The following ME3 variants were observed in gnomAD, a reference collection of about 807,000 sequenced individuals.
The protein encoded by ME3 is NADP-dependent malic enzyme, mitochondrial.
Under a neutral mutation model 68.9 loss-of-function variants are expected in ME3, and 48 were observed. The ratio of observed to expected loss-of-function variants is 0.70; its 90% confidence interval spans 0.55 to 0.89. The LOEUF is 0.89. Among genes scored for constraint, ME3 ranks in the 40% least tolerant of loss-of-function variants. The probability of loss-of-function intolerance (pLI) is 0.00; values close to 1 mark genes in which losing one functional copy is unlikely to be tolerated. For synonymous variants in ME3, 320 were observed against 318.8 expected (o/e 1.00, Z -0.04); for missense variants, 675 against 797.4 (o/e 0.85, Z 1.85).
At chr11:86,580,287 C>G (rs1319327151) in intron 2 of ME3, among the ~76,000 whole-genome samples, 1 of 152,122 alleles carries the variant, frequency 6.6e-6, no homozygotes, top group Non-Finnish European at 1.5e-5. Flanking sequence ...CCTCCAAATG[C>G]CTCAAAATAA....
intron 4 of ME3, among the ~76,000 whole-genome samples, chr11:86,510,615 T>C (rs1244071330): frequency 6.6e-6 from 1 of 152,168 alleles, no homozygotes; most frequent in East Asian, 1.9e-4. Context: ...AGGGGTGTGG[T>C]TGTCCTGCAC....
At chr11:86,450,540 T>C (rs530636450) in intron 8 of ME3, 142 bp from the exon 9 acceptor site, 2 of 613,322 alleles carry the variant, frequency 3.3e-6, no homozygotes, top group African/African-American at 1.8e-5. Context: ...GGCATGCAAG[T>C]TTTGGTGCAA....
intron 2 of ME3, among the ~76,000 whole-genome samples, chr11:86,618,627 G>A (rs1943141097): frequency 6.6e-6 from 1 of 152,084 alleles, no homozygotes; most frequent in Non-Finnish European, 1.5e-5. Flanking sequence ...TTGGAGGTGG[G>A]GCCTGGTGCC....
chr11:86,473,779 G>A (rs1018065916), intron 7 of ME3, among the ~76,000 whole-genome samples: 3 of 152,180 alleles, frequency 2.0e-5, no homozygotes, highest in African/African-American at 7.2e-5. Context: ...TATACCATGG[G>A]TGAAAAAACT....
the ME3 span, chr11:86,435,244 A>T: frequency 6.6e-6 from 1 of 152,236 alleles, no homozygotes; most frequent in Non-Finnish European, 1.5e-5. Flanking sequence ...GTAATTTTGA[A>T]AATCTCTCTA....
At chr11:86,617,045 GTTTTTTTTTTTTTTTTTTT>G (rs563738961) in intron 2 of ME3, among the ~76,000 whole-genome samples, 9 of 56,322 alleles carry the variant, frequency 1.6e-4, no homozygotes, top group South Asian at 1.8e-3. Context: ...CAAGATAGTA[GTTTTTTTTTTTTTTTTTTT>G]TTTTTTTTTT....
chr11:86,477,119 C>T lies in ME3; in HGVS notation c.809+10218G>A, dbSNP rs539189647. ...GCCTCATTTATCCATCATAAGTACT[C>T]TCCCAGTCTTAAAAATGCATTTTAG... On this transcript the variant is annotated intron_variant, in intron 7 of 14. Coordinates refer to ENST00000543262, the Ensembl canonical transcript of ME3. Among the ~76,000 whole-genome samples the T allele has an allele frequency of 2.0e-5, 3 of 152,278 alleles. No individual in the cohort carries two copies. The East Asian group carries it at 5.8e-4, about 29-fold the overall frequency.
chr11:86,448,904 C>G (rs916350614), intron 10 of ME3, among the ~76,000 whole-genome samples: 2 of 152,082 alleles, frequency 1.3e-5, no homozygotes, highest in Admixed American at 1.3e-4. Context: ...TTGAGAGCTC[C>G]TTGGCTAGGG....
At chr11:86,437,314 C>T (rs1043706374), downstream of ME3, 4 of 152,112 alleles carry the variant, frequency 2.6e-5, no homozygotes, top group Non-Finnish European at 4.4e-5. Context: ...ATCCAGCCAT[C>T]GACTGATGGA....
intron 2 of ME3, among the ~76,000 whole-genome samples, chr11:86,639,739 C>T (rs976482776): frequency 3.3e-5 from 5 of 152,220 alleles, no homozygotes; most frequent in African/African-American, 1.2e-4. Flanking sequence ...TGAAGCCCCA[C>T]ATTAAAGCAG....
At chr11:86,613,742 C>T (rs12417361) in intron 2 of ME3, among the ~76,000 whole-genome samples, 1 of 152,024 alleles carries the variant, frequency 6.6e-6, no homozygotes, top group Non-Finnish European at 1.5e-5. Context: ...AATAAAATAC[C>T]TAGGAATACA....
chr11:86,592,597 G>C (rs1045400182), intron 2 of ME3, among the ~76,000 whole-genome samples: 4 of 152,114 alleles, frequency 2.6e-5, no homozygotes, highest in Non-Finnish European at 4.4e-5. Context: ...GAGAAGGCAA[G>C]GTTTTCATAG....
chr11:86,650,975 G>C (rs1285721950), intron 2 of ME3, among the ~76,000 whole-genome samples: 1 of 152,210 alleles, frequency 6.6e-6, no homozygotes, highest in Non-Finnish European at 1.5e-5. Context: ...AGGGTCCTAC[G>C]CCCACAGAGC....
At chr11:86,573,660 A>T (rs1428801349) in intron 2 of ME3, among the ~76,000 whole-genome samples, 1 of 152,072 alleles carries the variant, frequency 6.6e-6, no homozygotes, top group Non-Finnish European at 1.5e-5. Flanking sequence ...AGAACTTCCA[A>T]TACTATGTTA....
At chr11:86,562,236 T>C (rs774224241) in intron 2 of ME3, among the ~76,000 whole-genome samples, 3 of 152,212 alleles carry the variant, frequency 2.0e-5, no homozygotes, top group Non-Finnish European at 2.9e-5. Context: ...TTCATGTATA[T>C]TTATCATTGA....
intron 3 of ME3, among the ~76,000 whole-genome samples, chr11:86,557,737 C>A (rs1345135822): frequency 1.3e-5 from 2 of 152,136 alleles, no homozygotes; most frequent in Non-Finnish European, 2.9e-5. Context: ...AGGATCTCAG[C>A]CCATTGCCAG....
chr11:86,639,004 C>T (rs1346413006), intron 2 of ME3, among the ~76,000 whole-genome samples: 1 of 152,166 alleles, frequency 6.6e-6, no homozygotes, highest in Non-Finnish European at 1.5e-5. Flanking sequence ...TGGAAGGAGC[C>T]TTGGGTTATC....
intron 5 of ME3, among the ~76,000 whole-genome samples, chr11:86,499,129 G>A (rs1453740475): frequency 1.3e-5 from 2 of 152,118 alleles, no homozygotes; most frequent in African/African-American, 4.8e-5. Context: ...GGAGATTGTG[G>A]GGTATGGGTG....
intron 4 of ME3, among the ~76,000 whole-genome samples, chr11:86,539,437 G>T (rs146526029): frequency 6.6e-6 from 1 of 152,232 alleles, no homozygotes; most frequent in Non-Finnish European, 1.5e-5. Context: ...TATTGGCTTA[G>T]AATTGTTCTC....
Sources: gnomAD v4.1 joint callset for allele counts (sites outside exome capture counted in the v4.1 genomes callset) on GRCh38, gnomAD v4.1.1 for gene constraint, MANE v1.5 for transcripts, NCBI Gene and HGNC (gene_info 2026-07-23, HGNC 2026-07-21) for gene names.